PDE6C: variants seen among roughly 807,000 people sequenced by gnomAD.
PDE6C encodes the protein phosphodiesterase 6C.
A neutral mutation model predicts 113.1 loss-of-function variants in PDE6C; 75 were observed. The ratio of observed to expected loss-of-function variants is 0.66; its 90% CI spans 0.55 to 0.80. The LOEUF is 0.80. Among genes scored for constraint, PDE6C ranks in the 30% least tolerant of loss-of-function variants. PDE6C has a pLI of 0.00. For synonymous variants in PDE6C, 375 were observed against 363.7 expected, an observed-to-expected ratio of 1.03 and a Z score of -0.35; for missense variants, 912 against 1,038.6, an observed-to-expected ratio of 0.88 and a Z score of 1.67.
intron 19 of PDE6C, 107 bp from the exon 20 acceptor site, chr10:93,662,453 T>C (rs1344455488): frequency 3.8e-5 from 20 of 525,748 alleles, no homozygotes; most frequent in Non-Finnish European, 6.8e-5. Context: ...AGAGTGAGAC[T>C]CTGCCTCAAA....
chr10:93,641,577 G>A (rs1477320767), intron 14 of PDE6C, among the ~76,000 whole-genome samples: 2 of 152,220 alleles, frequency 1.3e-5, no homozygotes, highest in Non-Finnish European at 2.9e-5. Context: ...CCAGGAGGCA[G>A]AGGTTGTAGT....
intron 1 of PDE6C, among the ~76,000 whole-genome samples, chr10:93,618,326 A>G (rs2058429868): frequency 6.6e-6 from 1 of 152,004 alleles, no homozygotes; most frequent in South Asian, 2.1e-4. Context: ...ATGTTATTCT[A>G]TCTTCACATC....
Position 93,665,412 on chromosome 10 carries a change from G to A in PDE6C, c.2571G>A (p.Met857Ile), listed in dbSNP as rs2058685443. The A allele has an allele frequency of 1.3e-6, 2 of 1,586,188 alleles. No individual in the cohort carries two copies. The highest frequency in any genetic ancestry group is 1.7e-6 in the Non-Finnish European group (2 of 1,154,758). Residue 857 changes from methionine to isoleucine, a missense_variant, in exon 22 of 22, where the codon ATG (methionine) becomes ATA (isoleucine). Met to Ile is a conservative substitution (Grantham distance 10). Coordinates refer to ENST00000371447, the MANE Select transcript of PDE6C (RefSeq NM_006204.4). ...GDDKKSKTCL[M>I]L is the part of the protein sequence containing the mutation. ...ACAAAAAGTCCAAAACATGTTTAAT[G>A]TTGTAATATTATCTAACTGGTCTAA...
chr10:93,644,230 A>G (rs2058572675), intron 14 of PDE6C, among the ~76,000 whole-genome samples: 1 of 152,222 alleles, frequency 6.6e-6, no homozygotes, highest in South Asian at 2.1e-4. Context: ...TGTCCAGAAG[A>G]TCTCTTTATG....
rs79339877 is a variant in PDE6C, at chr10:93,652,729, G to A, written c.1936-3031G>A. Among the ~76,000 whole-genome samples, 1,276 of 152,084 alleles carry A rather than the reference G, an allele frequency of 8.4e-3. 15 individuals carry two copies. Among genetic ancestry groups the A allele is most frequent in the Middle Eastern group, 0.031 (9 of 294 alleles). On this transcript the variant is annotated intron_variant, in intron 15 of 21. Coordinates refer to ENST00000371447, the MANE Select transcript of PDE6C (RefSeq NM_006204.4). ...CTTTATATATAGCGTTTTCTTTCAC[G>A]TCTATTAAATAGCAACAAGTGTCCA...
chr10:93,656,792 C>A (rs1316166250), intron 16 of PDE6C, among the ~76,000 whole-genome samples: 1 of 152,000 alleles, frequency 6.6e-6, no homozygotes, highest in African/African-American at 2.4e-5. Flanking sequence ...TGGTCTTGAA[C>A]TCCCGACCTC....
chr10:93,652,301 A>T lies in PDE6C; in HGVS notation c.1936-3459A>T, dbSNP rs146576241. On this transcript the variant is annotated intron_variant, in intron 15 of 21. Coordinates refer to ENST00000371447, the MANE Select transcript of PDE6C (RefSeq NM_006204.4). ...AACTGGAATGGGATCTTTTATATGAATCTATATCCACAACTTAATAAGTCA... is the reference window on the plus strand; with the variant it reads ...AACTGGAATGGGATCTTTTATATGATTCTATATCCACAACTTAATAAGTCA... 1.3e-3 allele frequency among the ~76,000 whole-genome samples: 191 copies of T among 152,296 alleles called. 2 individuals are homozygous for T. The highest frequency in any genetic ancestry group is 2.2e-3 in the Non-Finnish European group (152 of 68,026).
chr10:93,662,635 G>A lies in PDE6C; in HGVS notation c.2359G>A (p.Val787Ile). The A allele has an allele frequency of 3.1e-6, 4 of 1,304,400 alleles. No individual in the cohort carries two copies. Among genetic ancestry groups the A allele is most frequent in the Non-Finnish European group, 4.5e-6 (4 of 897,884 alleles). The allele number at this position is 1,304,400 out of a possible 1,614,324, so 80.8% of individuals were successfully genotyped here. A position where few individuals can be genotyped will look rare whatever the true frequency, so the allele number is the denominator to read the frequency against. ...VGFIDFVCTF[V>I]YKEFSRFHKE... ...ATTTATTGATTTTGTTTGTACTTTT[G>A]TATATAAGGTAAGTAAGCAAATTAT... Residue 787 changes from valine (V) to isoleucine (I), a missense_variant, in exon 20 of 22, where the codon GTA becomes ATA. Coordinates refer to ENST00000371447, the MANE Select transcript of PDE6C (RefSeq NM_006204.4).
At chr10:93,660,225 G>A (rs1387054228) in intron 18 of PDE6C, among the ~76,000 whole-genome samples, 1 of 152,130 alleles carries the variant, frequency 6.6e-6, no homozygotes, top group Non-Finnish European at 1.5e-5. Context: ...AGATTAACAA[G>A]AGAAAAGCGT....
chr10:93,612,928 C>G lies in PDE6C; in HGVS notation c.203C>G (p.Thr68Ser). The G allele has an allele frequency of 6.2e-7, 1 of 1,613,968 alleles. No homozygotes were observed. The highest frequency in any genetic ancestry group is 8.5e-7 in the Non-Finnish European group (1 of 1,179,996). The change falls in exon 1 of 22, where the codon ACC becomes AGC. Residue 68 changes from threonine (T) to serine (S), a missense_variant. By Grantham distance (58) the Thr-to-Ser change is moderately conservative. Transcript: ENST00000371447. ...GCCCTGTGCTTGGAGCTGCTGTGGA[C>G]CGTGCAGGAGGAGGGGGGCACCCCA... The part of the protein sequence containing the change: ...ESALCLELLW[T>S]VQEEGGTPEQ...
In PDE6C at chr10:93,612,569, G is replaced by C; in HGVS notation, c.-157G>C. The C allele has an allele frequency of 1.0e-6, 1 of 974,298 alleles. No individual in the cohort carries two copies. Among genetic ancestry groups the C allele is most frequent in the African/African-American group, 1.6e-5 (1 of 63,050 alleles). The allele number at this position is 974,298 out of a possible 1,614,324, so 60.4% of individuals were successfully genotyped here. On this transcript the variant is annotated 5_prime_UTR_variant, in exon 1 of 22. Transcript: ENST00000371447. ...CCCAAGAGTTACAGGCAGTTTGAAA[G>C]CTCTGCTTTCTGCTTGACCTTTGGA... is the stretch of plus-strand genomic sequence containing the variant.
intron 15 of PDE6C, among the ~76,000 whole-genome samples, chr10:93,650,676 G>T (rs560702741): frequency 6.6e-6 from 1 of 152,296 alleles, no homozygotes; most frequent in Non-Finnish European, 1.5e-5. Flanking sequence ...TCACATGATG[G>T]TGTCCTTATC....
chr10:93,657,551 T>C (rs1386938316), intron 16 of PDE6C, among the ~76,000 whole-genome samples: 4 of 152,072 alleles, frequency 2.6e-5, no homozygotes, highest in Non-Finnish European at 5.9e-5. Context: ...TGCAACTTGC[T>C]TTATTCATGC....
intron 15 of PDE6C, among the ~76,000 whole-genome samples, chr10:93,650,780 G>T (rs1159879751): frequency 1.3e-5 from 2 of 152,126 alleles, no homozygotes; most frequent in Non-Finnish European, 2.9e-5. Context: ...TTAGATGTTT[G>T]ACATTTTTAA....
At chr10:93,625,390 G>T (rs1270349015) in intron 4 of PDE6C, among the ~76,000 whole-genome samples, 185 bp from the exon 5 acceptor site, 1 of 152,138 alleles carries the variant, frequency 6.6e-6, no homozygotes, top group Non-Finnish European at 1.5e-5. Flanking sequence ...AGATGTAAAA[G>T]GTTAAGTAAC....
chr10:93,625,661 T>A lies in PDE6C; in HGVS notation c.939+12T>A. The A allele has an allele frequency of 6.3e-7, 1 of 1,586,584 alleles. No individual in the cohort carries two copies. ...CACCTGATGGCAGGGTACGTGCAAA[T>A]GTCTTCCTTGATGCCATCTGTGCAT... On this transcript the variant is annotated intron_variant, in intron 5 of 21. Transcript: ENST00000371447.
Position 93,663,144 on chromosome 10 carries a change from G to C in PDE6C, c.2484G>C (p.Glu828Asp). ...EYDAKMKVIE[E>D]EAKKQEGGAE... ...ATGCAAAGATGAAGGTCATTGAAGA[G>C]GAGGCAAAAAAGCAAGAAGGAGGAG... Residue 828 changes from glutamate to aspartate, a missense_variant, in exon 21 of 22, where the codon GAG (glutamate) becomes GAC (aspartate). Coordinates refer to ENST00000371447, the MANE Select transcript of PDE6C (RefSeq NM_006204.4). The C allele has an allele frequency of 6.2e-7, 1 of 1,613,688 alleles. No homozygotes were observed. Among genetic ancestry groups the C allele is most frequent in the Non-Finnish European group, 8.5e-7 (1 of 1,179,802 alleles).
In PDE6C at chr10:93,653,647, A is replaced by C. The variant is rs1030147587; in HGVS notation, c.1936-2113A>C. 2.9e-4 allele frequency among the ~76,000 whole-genome samples: 43 copies of C among 150,244 alleles called. No homozygotes were observed. In the South Asian group the frequency reaches 5.0e-3, roughly 17 times the overall value. ...CAACAGAGTGAGACTCCATCTCAAA[A>C]AAAAACAAAAACAAAAACAAAAACA... On this transcript the variant is annotated intron_variant, in intron 15 of 21. Transcript: ENST00000371447.
intron 3 of PDE6C, among the ~76,000 whole-genome samples, chr10:93,621,225 G>A (rs1462504086): frequency 6.6e-6 from 1 of 152,132 alleles, no homozygotes; most frequent in East Asian, 1.9e-4. Context: ...TAGATCCCGA[G>A]TGGACTTGGC....
Sources: gnomAD v4.1 joint callset for allele counts (sites outside exome capture counted in the v4.1 genomes callset) on GRCh38, gnomAD v4.1.1 for gene constraint, MANE v1.5 for transcripts, NCBI Gene and HGNC (gene_info 2026-07-23, HGNC 2026-07-21) for gene names.